The following PHF2 variants were observed in gnomAD, a reference collection of about 807,000 sequenced individuals.
PHF2 encodes lysine-specific demethylase PHF2.
Under a neutral mutation model 120.5 loss-of-function variants are expected in PHF2, and 27 were observed. The ratio of observed to expected loss-of-function variants is 0.22; its 90% CI spans 0.17 to 0.31. The LOEUF is 0.31. PHF2 is among the 10% of genes least tolerant of loss of function. The pLI, the probability that PHF2 is intolerant of heterozygous loss-of-function variation, is 1.00. For synonymous variants in PHF2, 568 were observed against 592.5 expected (o/e 0.96, Z 0.60); for missense variants, 1,024 against 1,434.8 (o/e 0.71, Z 4.63).
chr9:93,673,581 C>G lies in PHF2; in HGVS notation c.2349-4C>G. 1.9e-6 allele frequency: 3 copies of G among 1,555,354 alleles called. No homozygotes were observed. The highest frequency in any genetic ancestry group is 2.4e-5 in the South Asian group (2 of 82,050). ...GCTGAGTGCCTGTCTCTCTGTGCCC[C>G]TAGCCAGCCCCCGGCCTCCCCCAGC... On this transcript the variant is annotated splice_region_variant and splice_polypyrimidine_tract_variant and intron_variant, in intron 17 of 21. Coordinates refer to ENST00000359246, the MANE Select transcript of PHF2 (RefSeq NM_005392.4).
intron 12 of PHF2, among the ~76,000 whole-genome samples, chr9:93,661,281 G>T (rs1012024917): frequency 1.3e-5 from 2 of 152,136 alleles, no homozygotes; most frequent in African/African-American, 4.8e-5. Context: ...TGCTTCCTGG[G>T]GGCCAGGAAA....
chr9:93,663,778 A>C (rs200873555), intron 14 of PHF2, 143 bp downstream of exon 14: 1 of 463,196 alleles, frequency 2.2e-6, no homozygotes, highest in Non-Finnish European at 4.0e-6. Context: ...CACACACACC[A>C]CACACTGCAT....
At position 93,660,382 on chromosome 9, in the gene PHF2, A is replaced by AT; in HGVS notation, c.1520_1521insT (p.Lys507AsnfsTer7). 1 of 1,533,598 alleles carries AT rather than the reference A, an allele frequency of 6.5e-7. No individual in the cohort carries two copies. Among genetic ancestry groups the AT allele is most frequent in the Non-Finnish European group, 8.8e-7 (1 of 1,136,458 alleles). The allele number at this position is 1,533,598 out of a possible 1,614,324, so 95.0% of individuals were successfully genotyped here. ...ATGCCCAAGCCATCCAAAATCCCCA[A>AT]GCCCCCGAAGCCCCCTAAGCCCCCA... On this transcript the variant is annotated frameshift_variant, in exon 12 of 22. Coordinates refer to ENST00000359246, the MANE Select transcript of PHF2 (RefSeq NM_005392.4). LOFTEE classifies it high-confidence loss of function.
At position 93,662,940 on chromosome 9, in the gene PHF2, G is replaced by T; in HGVS notation, c.1732G>T (p.Asp578Tyr). 4.3e-6 allele frequency: 7 copies of T among 1,614,138 alleles called. No homozygotes were observed. The Middle Eastern group carries it at 1.2e-3, about 266-fold the overall frequency. ...GAGTGTCCTGAGTGTGCCCAACAAA[G>T]ATGTGGTTCACATGCAGAATGATGT... ...TKSVLSVPNK[D>Y]VVHMQNDVER... The change falls in exon 13 of 22, where the codon GAT becomes TAT. Residue 578 changes from aspartate (D) to tyrosine (Y), a missense_variant. By Grantham distance (160) the Asp-to-Tyr change is radical (BLOSUM62 -3). Around this residue, in one of 2 missense-constraint regions of PHF2, gnomAD observed 677 missense variants for 857.4 expected, o/e 0.79. Transcript: ENST00000359246.
At chr9:93,654,156 G>T (rs2117938674) in intron 6 of PHF2, among the ~76,000 whole-genome samples, 1 of 152,330 alleles carries the variant, frequency 6.6e-6, no homozygotes, top group East Asian at 1.9e-4. Flanking sequence ...TGCAGCCTGG[G>T]CACCCACACC....
chr9:93,651,873 A>C (rs140035683), intron 5 of PHF2, among the ~76,000 whole-genome samples: 40 of 152,246 alleles, frequency 2.6e-4, no homozygotes, highest in Admixed American at 5.2e-4. Context: ...GTGGTGTTTG[A>C]AGGACATGGC....
intron 1 of PHF2, among the ~76,000 whole-genome samples, chr9:93,606,371 T>C (rs1230347937): frequency 1.3e-5 from 2 of 152,240 alleles, no homozygotes; most frequent in Non-Finnish European, 2.9e-5. Flanking sequence ...CTCTACATCC[T>C]TGTCAGCATT....
chr9:93,650,131 C>G (rs1269964512), intron 5 of PHF2, among the ~76,000 whole-genome samples: 1 of 111,454 alleles, frequency 9.0e-6, no homozygotes. Context: ...ACACTTAGCA[C>G]TCACCAACAC....
intron 6 of PHF2, among the ~76,000 whole-genome samples, chr9:93,654,181 G>A (rs1261395488): frequency 6.6e-6 from 1 of 152,182 alleles, no homozygotes; most frequent in Admixed American, 6.5e-5. Flanking sequence ...GTAGTGCCTC[G>A]AAACAATGTA....
chr9:93,654,497 G>A lies in PHF2; in HGVS notation c.874G>A (p.Glu292Lys), dbSNP rs1262811965. The A allele has an allele frequency of 3.1e-6, 5 of 1,614,096 alleles. No homozygotes were observed. The highest frequency in any genetic ancestry group is 2.2e-5 in the East Asian group (1 of 44,872). The change falls in exon 7 of 22, where the codon GAG becomes AAG. Residue 292 changes from glutamate (E) to lysine (K), a missense_variant. By Grantham distance (56) the Glu-to-Lys change is moderately conservative (BLOSUM62 1). This residue lies in a region of PHF2 where 347 missense variants were observed against 577.4 expected (regional missense o/e 0.60). Transcript: ENST00000359246. ...ERWRSASNHS[E>K]MFFADQVDKC... is the part of the protein sequence containing the mutation. ...CTGGCGGTCTGCCTCTAACCACAGCGAGATGTTCTTTGCTGACCAGGTCGA... is the reference window on the plus strand; with the variant it reads ...CTGGCGGTCTGCCTCTAACCACAGCAAGATGTTCTTTGCTGACCAGGTCGA...
In PHF2 at chr9:93,660,378, C is replaced by T. The variant is rs1268731486; in HGVS notation, c.1516C>T (p.Pro506Ser). The change falls in exon 12 of 22, where the codon CCC (proline) becomes TCC (serine). Residue 506 changes from proline to serine, a missense_variant. Transcript: ENST00000359246. Reference protein sequence around the residue: ...TVKMPKPSKIPKPPKPPKPPR... With the variant: ...TVKMPKPSKISKPPKPPKPPR... ...GAAGATGCCCAAGCCATCCAAAATC[C>T]CCAAGCCCCCGAAGCCCCCTAAGCC... 2 of 1,548,008 alleles carry T rather than the reference C, an allele frequency of 1.3e-6. No individual in the cohort carries two copies. The highest frequency in any genetic ancestry group is 8.7e-7 in the Non-Finnish European group (1 of 1,144,860).
chr9:93,579,274 A>G (rs989165544), intron 1 of PHF2, among the ~76,000 whole-genome samples: 3 of 152,084 alleles, frequency 2.0e-5, no homozygotes, highest in South Asian at 2.1e-4. Context: ...TTTACTTCCT[A>G]TTTAACATTT....
chr9:93,619,374 GCGTCC>G (rs1825786549), intron 1 of PHF2, among the ~76,000 whole-genome samples: 3 of 152,226 alleles, frequency 2.0e-5, no homozygotes, highest in East Asian at 1.9e-4. Flanking sequence ...GCCTGATTCG[GCGTCC>G]TGGGCTGGCA....
rs1432843397 is a variant in PHF2 at position 93,587,467 on chromosome 9, G to A, written c.98+10596G>A. ...ACGGAGGATCCCTGGATGAGGGATG[G>A]AGGAGCCCCGGGTGAGGGATGATGG... On this transcript the variant is annotated intron_variant, in intron 1 of 21. Coordinates refer to ENST00000359246, the MANE Select transcript of PHF2 (RefSeq NM_005392.4). Among the ~76,000 whole-genome samples, 2 of 27,114 alleles carry A rather than the reference G, an allele frequency of 7.4e-5. 1 individual carries two copies. The highest frequency in any genetic ancestry group is 7.9e-4 in the Admixed American group (2 of 2,540). The allele number at this position is 27,114 out of a possible 152,430, so 17.8% of individuals were successfully genotyped here. A position where few individuals can be genotyped will look rare whatever the true frequency, so the allele number is the denominator to read the frequency against.
intron 4 of PHF2, among the ~76,000 whole-genome samples, chr9:93,646,053 C>T (rs62573996): frequency 6.6e-6 from 1 of 152,242 alleles, no homozygotes; most frequent in Non-Finnish European, 1.5e-5. Flanking sequence ...CCCTTTGATT[C>T]TGGCAGCTAT....
At chr9:93,649,397 T>TG (rs1564394200) in intron 5 of PHF2, among the ~76,000 whole-genome samples, 185 bp downstream of exon 5, 10 of 143,240 alleles carry the variant, frequency 7.0e-5, no homozygotes, top group African/African-American at 2.6e-4. Context: ...TTTTTTTTTT[T>TG]TATAAGACTG....
chr9:93,655,321 C>T (rs564933953), intron 7 of PHF2, among the ~76,000 whole-genome samples: 75 of 149,510 alleles, frequency 5.0e-4, no homozygotes, highest in African/African-American at 1.8e-3. Context: ...CTGAGGCCCT[C>T]ATATTTTAAT....
At chr9:93,579,943 G>A (rs1862902482) in intron 1 of PHF2, among the ~76,000 whole-genome samples, 1 of 152,242 alleles carries the variant, frequency 6.6e-6, no homozygotes, top group South Asian at 2.1e-4. Flanking sequence ...GCCTTGGTGG[G>A]TGGGGCTGCC....
Position 93,656,073 on chromosome 9 carries a change from C to A in PHF2, c.1040+52C>A. On this transcript the variant is annotated intron_variant, in intron 8 of 21. Coordinates refer to ENST00000359246, the MANE Select transcript of PHF2 (RefSeq NM_005392.4). The surrounding 1 kb of genome is among the most constrained non-coding windows in gnomAD (Gnocchi z 4.1). ...CGGGCTCCGCAGAGCAGCGTCCTCC[C>A]TCTAGCTGGGTCGGTGCTAGATGCC... is the stretch of plus-strand genomic sequence containing the variant. The A allele has an allele frequency of 6.7e-7, 1 of 1,492,662 alleles. No individual in the cohort carries two copies. Among genetic ancestry groups the A allele is most frequent in the Non-Finnish European group, 9.2e-7 (1 of 1,086,866 alleles). 92.5% of individuals were successfully genotyped at this position (1,492,662 alleles called of 1,614,324 possible). A position where few individuals can be genotyped will look rare whatever the true frequency, so the allele number is the denominator to read the frequency against.
Sources: gnomAD v4.1 joint callset for allele counts (sites outside exome capture counted in the v4.1 genomes callset) on GRCh38, gnomAD v4.1.1 for gene constraint, gnomAD v4.1.1 regional missense constraint, Gnocchi (gnomAD v3.1) non-coding constraint, MANE v1.5 for transcripts, NCBI Gene and HGNC (gene_info 2026-07-23, HGNC 2026-07-21) for gene names.